METTL16: variants seen among roughly 807,000 people sequenced by gnomAD.
METTL16 encodes methyltransferase 16, RNA N6-adenosine, also known as RNA N(6)-adenosine-methyltransferase METTL16.
A neutral mutation model predicts 57.9 loss-of-function variants in METTL16; 19 were observed. The ratio of observed to expected loss-of-function variants is 0.33; its 90% CI spans 0.23 to 0.48. The LOEUF (loss-of-function observed/expected upper bound fraction) is 0.48, where lower values mean the gene tolerates loss of function less well. METTL16 is among the 20% of genes least tolerant of loss of function. METTL16 has a pLI of 0.99. For missense variants in METTL16, 434 were observed against 691.5 expected, an observed-to-expected ratio of 0.63 and a Z score of 4.18; for synonymous variants, 246 against 255.6, an observed-to-expected ratio of 0.96 and a Z score of 0.36.
intron 1 of METTL16, among the ~76,000 whole-genome samples, chr17:2,507,524 G>A (rs1456126762): frequency 2.0e-5 from 3 of 148,830 alleles, no homozygotes; most frequent in South Asian, 2.1e-4. Flanking sequence ...CCCCCCGCCC[G>A]GCCAGCCGCC....
intron 5 of METTL16, among the ~76,000 whole-genome samples, chr17:2,465,490 T>G (rs1297568849): frequency 7.7e-6 from 1 of 130,020 alleles, no homozygotes; most frequent in African/African-American, 3.1e-5. Context: ...GAGGTTGCAG[T>G]GAAACGAGAT....
At chr17:2,467,937 C>T (rs1274458038) in intron 4 of METTL16, 61 bp from the exon 5 acceptor site, 13 of 1,105,570 alleles carry the variant, frequency 1.2e-5, no homozygotes, top group South Asian at 3.8e-5. Flanking sequence ...AAAGTATAAC[C>T]GCGCACTGCG....
intron 2 of METTL16, 75 bp downstream of exon 2, chr17:2,502,129 T>A: frequency 1.4e-6 from 2 of 1,472,818 alleles, no homozygotes; most frequent in Admixed American, 1.8e-5. Flanking sequence ...AGATTAACAC[T>A]CAGGTGGGCT....
At chr17:2,459,115 C>T (rs1368854477) in intron 6 of METTL16, among the ~76,000 whole-genome samples, 1 of 151,852 alleles carries the variant, frequency 6.6e-6, no homozygotes, top group African/African-American at 2.4e-5. Context: ...CTGGGTGAGT[C>T]ACTTGAGAAA....
chr17:2,470,955 C>T (rs1410768977), intron 4 of METTL16, among the ~76,000 whole-genome samples: 1 of 152,132 alleles, frequency 6.6e-6, no homozygotes, highest in Non-Finnish European at 1.5e-5. Flanking sequence ...TGACACTACC[C>T]AATTCTAAGA....
At chr17:2,474,902 A>T (rs1047050242) in intron 3 of METTL16, among the ~76,000 whole-genome samples, 5 of 139,094 alleles carry the variant, frequency 3.6e-5, no homozygotes, top group Non-Finnish European at 7.5e-5. Context: ...CCTAGGTGAC[A>T]TCAAGTCTCT....
At chr17:2,456,763 C>A (rs946537056) in intron 6 of METTL16, among the ~76,000 whole-genome samples, 1 of 151,992 alleles carries the variant, frequency 6.6e-6, no homozygotes, top group Admixed American at 6.6e-5. Context: ...GTTACCACAC[C>A]CGGACTGTCA....
At chr17:2,497,565 T>C (rs1377641920) in intron 2 of METTL16, among the ~76,000 whole-genome samples, 4 of 151,310 alleles carry the variant, frequency 2.6e-5, no homozygotes, top group Non-Finnish European at 5.9e-5. Flanking sequence ...CGCTGGCCTC[T>C]CAAAGTGCTG....
chr17:2,430,412 C>CTTTTTT (rs903960118), intron 8 of METTL16, among the ~76,000 whole-genome samples: 2 of 118,500 alleles, frequency 1.7e-5, no homozygotes, highest in Non-Finnish European at 3.4e-5. Context: ...TTAGAATTCT[C>CTTTTTT]TTTTTTTTTT....
At chr17:2,447,449 G>C (rs1263130185) in intron 6 of METTL16, among the ~76,000 whole-genome samples, 117 of 99,068 alleles carry the variant, frequency 1.2e-3, no homozygotes, top group African/African-American at 4.5e-3. Context: ...GGAGGGAGGT[G>C]GGGGGGGTCA....
chr17:2,419,765 T>C lies in METTL16; in HGVS notation c.*205A>G. On this transcript the variant is annotated 3_prime_UTR_variant, in exon 10 of 10. Transcript: ENST00000263092. ...GTTACTGATGACCACAATTCCTCCT[T>C]GTAAATGACCACACTACGACTCCCT... 1 of 718,608 alleles carries C rather than the reference T, an allele frequency of 1.4e-6. No homozygotes were observed. The highest frequency in any genetic ancestry group is 2.0e-5 in the Admixed American group (1 of 49,566). 44.5% of individuals were successfully genotyped at this position (718,608 alleles called of 1,614,324 possible).
At chr17:2,503,197 TGA>T (rs1336457583) in intron 1 of METTL16, among the ~76,000 whole-genome samples, 1 of 152,202 alleles carries the variant, frequency 6.6e-6, no homozygotes, top group East Asian at 1.9e-4. Flanking sequence ...GGAAACAATC[TGA>T]GTGTCCATCA....
intron 5 of METTL16, among the ~76,000 whole-genome samples, chr17:2,464,972 T>G (rs946784629): frequency 6.6e-6 from 1 of 152,182 alleles, no homozygotes; most frequent in Non-Finnish European, 1.5e-5. Flanking sequence ...AAGGGCACCG[T>G]CAAGAAAGTG....
chr17:2,448,789 TAAAAATAAAATTTAAA>T lies in METTL16; in HGVS notation c.729-7246_729-7231del, dbSNP rs2067041853. Among the ~76,000 whole-genome samples the T allele has an allele frequency of 1.7e-4, 8 of 47,712 alleles. No individual in the cohort carries two copies. In the South Asian group the frequency reaches 3.4e-3, roughly 20 times the overall value. 31.3% of individuals were successfully genotyped at this position (47,712 alleles called of 152,430 possible). Reference sequence around the variant, plus strand: ...AATAAAAAATAAAAAAATAAAAAAATAAAAATAAAATTTAAAAAAAAAAAAAAAAAAAAAAAAGAGC... The same window carrying T: ...AATAAAAAATAAAAAAATAAAAAAATAAAAAAAAAAAAAAAAAAAAAGAGC... On this transcript the variant is annotated intron_variant, in intron 6 of 9. Coordinates refer to ENST00000263092, the MANE Select transcript of METTL16 (RefSeq NM_024086.4).
intron 6 of METTL16, among the ~76,000 whole-genome samples, chr17:2,458,660 C>T (rs2067127742): frequency 6.6e-6 from 1 of 152,028 alleles, no homozygotes; most frequent in Non-Finnish European, 1.5e-5. Context: ...TGCAGTGAGA[C>T]AAGATCACTC....
chr17:2,420,788 C>A lies in METTL16; in HGVS notation c.1005G>T (p.Thr335=), dbSNP rs375276104. ...SLKASPLRSE[T]AEGIVVVTTW... is the part of the protein sequence containing the mutation. Reference sequence around the variant, plus strand: ...TCGTGACAACGACTATGCCTTCCGCCGTCTCCGAGCGCAGAGGTGATGCTT... The same window carrying A: ...TCGTGACAACGACTATGCCTTCCGCAGTCTCCGAGCGCAGAGGTGATGCTT... Residue 335 remains threonine, a synonymous_variant, in exon 9 of 10, where the codon ACG becomes ACT. Transcript: ENST00000263092. This position sits in a 1 kb window ranked among gnomAD's most constrained non-coding sequence, Gnocchi z 5.4. 6.2e-7 allele frequency: 1 copy of A among 1,614,200 alleles called. No individual in the cohort carries two copies.
intron 3 of METTL16, 122 bp from the exon 4 acceptor site, chr17:2,473,786 T>C (rs1857169228): frequency 9.8e-7 from 1 of 1,020,920 alleles, no homozygotes; most frequent in Admixed American, 2.6e-5. Flanking sequence ...TCGCCCAGGC[T>C]ACAGTGCAGT....
intron 6 of METTL16, among the ~76,000 whole-genome samples, chr17:2,446,449 G>A (rs1481370934): frequency 6.6e-6 from 1 of 152,216 alleles, no homozygotes; most frequent in Non-Finnish European, 1.5e-5. Context: ...GAACTAATAA[G>A]TGAGTTCAGC....
At chr17:2,499,354 T>C (rs1014546507) in intron 2 of METTL16, among the ~76,000 whole-genome samples, 8 of 148,000 alleles carry the variant, frequency 5.4e-5, no homozygotes, top group African/African-American at 1.8e-4. Flanking sequence ...TTTTTTTTAA[T>C]TACAGGATTT....
Sources: allele counts gnomAD v4.1 joint callset (sites outside exome capture counted in the v4.1 genomes callset), GRCh38; gene constraint gnomAD v4.1.1; non-coding constraint Gnocchi (gnomAD v3.1); transcripts MANE v1.5; gene names NCBI Gene and HGNC (gene_info 2026-07-23, HGNC 2026-07-21).